ADCY2: variants seen among roughly 807,000 people sequenced by gnomAD.
ADCY2 encodes the protein adenylate cyclase 2.
In ADCY2, 31 loss-of-function variants were observed where a neutral mutation model predicts 125.2. That is an observed-to-expected ratio of 0.25 (90% CI 0.19 to 0.33). The LOEUF (loss-of-function observed/expected upper bound fraction) is 0.33. ADCY2 is among the 10% of genes least tolerant of loss of function. The pLI is 1.00. For missense variants in ADCY2, 904 were observed against 1,418.2 expected (o/e 0.64, Z 5.82); for synonymous variants, 512 against 548.4 (o/e 0.93, Z 0.93).
At chr5:7,759,596 GA>G (rs1560957093) in intron 16 of ADCY2, among the ~76,000 whole-genome samples, 1 of 152,162 alleles carries the variant, frequency 6.6e-6, no homozygotes, top group African/African-American at 2.4e-5. Flanking sequence ...TGCATCACCC[GA>G]GGCTCATTTT....
At chr5:7,400,149 T>C (rs1265795419) in intron 1 of ADCY2, among the ~76,000 whole-genome samples, 1 of 152,214 alleles carries the variant, frequency 6.6e-6, no homozygotes, top group Non-Finnish European at 1.5e-5. Context: ...AGATTTGTTT[T>C]GGCTAAAACT....
intron 3 of ADCY2, among the ~76,000 whole-genome samples, chr5:7,536,466 G>A (rs935831887): frequency 1.3e-5 from 2 of 152,130 alleles, no homozygotes; most frequent in Non-Finnish European, 2.9e-5. Flanking sequence ...CCCCAGAGTC[G>A]GTTCAGGAAC....
At chr5:7,647,729 T>C (rs1423991932) in intron 4 of ADCY2, among the ~76,000 whole-genome samples, 1 of 152,214 alleles carries the variant, frequency 6.6e-6, no homozygotes, top group East Asian at 1.9e-4. Context: ...GGCCTTTTAC[T>C]CTAGACTTCT....
intron 21 of ADCY2, among the ~76,000 whole-genome samples, chr5:7,804,161 G>A (rs1744689238): frequency 6.6e-6 from 1 of 151,648 alleles, no homozygotes; most frequent in Non-Finnish European, 1.5e-5. Context: ...AGCACTCAGA[G>A]GGCAAAAGCC....
At chr5:7,678,665 C>A (rs577426585) in intron 4 of ADCY2, among the ~76,000 whole-genome samples, 24 of 152,278 alleles carry the variant, frequency 1.6e-4, no homozygotes, top group African/African-American at 5.8e-4. Context: ...TCTGCTGTCA[C>A]CCTCAAGGAT....
intron 2 of ADCY2, among the ~76,000 whole-genome samples, chr5:7,493,033 G>T (rs1257367844): frequency 6.6e-6 from 1 of 152,148 alleles, no homozygotes; most frequent in Non-Finnish European, 1.5e-5. Flanking sequence ...GAAGAGTGTG[G>T]CTGTGGGGAG....
chr5:7,569,507 C>T (rs1736008946), intron 3 of ADCY2, among the ~76,000 whole-genome samples: 1 of 152,264 alleles, frequency 6.6e-6, no homozygotes, highest in African/African-American at 2.4e-5. Flanking sequence ...TGCCTATTCA[C>T]CTGTCATCGA....
intron 3 of ADCY2, among the ~76,000 whole-genome samples, chr5:7,523,743 T>G (rs1305663257): frequency 6.6e-6 from 1 of 152,220 alleles, no homozygotes. Context: ...TGTATATAAA[T>G]TAGAATGTTA....
chr5:7,698,006 C>T (rs1740950592), intron 6 of ADCY2, among the ~76,000 whole-genome samples: 1 of 152,162 alleles, frequency 6.6e-6, no homozygotes. Context: ...CATTCCAGAA[C>T]ATTCTCCCTT....
At chr5:7,664,985 C>A (rs1739663557) in intron 4 of ADCY2, among the ~76,000 whole-genome samples, 1 of 152,102 alleles carries the variant, frequency 6.6e-6, no homozygotes, top group African/African-American at 2.4e-5. Flanking sequence ...GAGCCCCGCC[C>A]CCTCCTCCTC....
chr5:7,683,898 A>G (rs890065570), intron 4 of ADCY2, among the ~76,000 whole-genome samples: 2 of 152,212 alleles, frequency 1.3e-5, no homozygotes, highest in East Asian at 3.9e-4. Flanking sequence ...CAATGATATT[A>G]TCAGCATCTC....
intron 14 of ADCY2, among the ~76,000 whole-genome samples, chr5:7,741,291 T>C (rs1361889731): frequency 6.6e-6 from 1 of 152,020 alleles, no homozygotes; most frequent in African/African-American, 2.4e-5. Flanking sequence ...ACAACATCAC[T>C]TAATAGAGGT....
chr5:7,526,524 G>A (rs1323197114), intron 3 of ADCY2, among the ~76,000 whole-genome samples: 1 of 152,044 alleles, frequency 6.6e-6, no homozygotes, highest in East Asian at 1.9e-4. Context: ...GCTACCTTAA[G>A]TACCCTGATT....
rs377432368 is a variant in ADCY2 at position 7,423,636 on chromosome 5, T to G, written c.408+8866T>G. On this transcript the variant is annotated intron_variant, in intron 2 of 24. Transcript: ENST00000338316. ...TGGAACTGTGAGTCCATTAAACCTC[T>G]TTTCTTTATAAATTACCCAGTCTCG... 4.9e-4 allele frequency among the ~76,000 whole-genome samples: 75 copies of G among 152,320 alleles called. No individual in the cohort carries two copies. The East Asian group carries it at 0.013, about 26-fold the overall frequency.
intron 17 of ADCY2, among the ~76,000 whole-genome samples, chr5:7,772,313 G>A (rs545098039): frequency 6.6e-6 from 1 of 152,306 alleles, no homozygotes; most frequent in East Asian, 1.9e-4. Context: ...GAAGATACCA[G>A]CTCGCTGGCC....
chr5:7,495,970 A>G (rs1293007640), intron 2 of ADCY2, among the ~76,000 whole-genome samples: 4 of 152,190 alleles, frequency 2.6e-5, no homozygotes, highest in Admixed American at 2.0e-4. Flanking sequence ...AAAGTAACCC[A>G]TTGTAAGTGC....
intron 3 of ADCY2, among the ~76,000 whole-genome samples, chr5:7,550,410 C>CTT (rs1735288986): frequency 1.3e-5 from 2 of 152,150 alleles, no homozygotes; most frequent in Admixed American, 1.3e-4. Flanking sequence ...GAAAATGAGA[C>CTT]TTTGACTCTC....
chr5:7,466,398 T>G (rs939533550), intron 2 of ADCY2, among the ~76,000 whole-genome samples: 2 of 152,222 alleles, frequency 1.3e-5, no homozygotes, highest in African/African-American at 4.8e-5. Context: ...CATTAACTTA[T>G]TTATTCATTT....
chr5:7,417,173 T>A (rs988970445), intron 2 of ADCY2, among the ~76,000 whole-genome samples: 1 of 152,184 alleles, frequency 6.6e-6, no homozygotes, highest in African/African-American at 2.4e-5. Context: ...TTTTGTTCCT[T>A]CGGAGACTCT....
Sources: allele counts gnomAD v4.1 joint callset (sites outside exome capture counted in the v4.1 genomes callset), GRCh38; gene constraint gnomAD v4.1.1; transcripts MANE v1.5; gene names NCBI Gene and HGNC (gene_info 2026-07-23, HGNC 2026-07-21).